The following ERAP2 variants were observed in gnomAD, a reference collection of about 807,000 sequenced individuals.
The protein encoded by ERAP2 is leukocyte-derived arginine aminopeptidase.
Under a neutral mutation model 111.1 loss-of-function variants are expected in ERAP2, and 118 were observed. The observed-to-expected ratio is 1.06, with a 90% CI of 0.92 to 1.24. The LOEUF is 1.24. Among genes scored for constraint, ERAP2 ranks in the 50% most tolerant of loss-of-function variants. The pLI is 0.00. For synonymous variants in ERAP2, 410 were observed against 401.2 expected, an observed-to-expected ratio of 1.02 and a Z score of -0.26; for missense variants, 1,131 against 1,125.8, an observed-to-expected ratio of 1.00 and a Z score of -0.07.
At chr5:96,900,813 A>G (rs1377807063) in intron 10 of ERAP2, among the ~76,000 whole-genome samples, 2 of 152,134 alleles carry the variant, frequency 1.3e-5, no homozygotes, top group African/African-American at 4.8e-5. Context: ...AGTAGCTGGG[A>G]TTACAGGCAC....
intron 13 of ERAP2, among the ~76,000 whole-genome samples, chr5:96,903,779 T>C (rs1235917337): frequency 1.3e-5 from 2 of 152,204 alleles, no homozygotes; most frequent in African/African-American, 2.4e-5. Flanking sequence ...TGGAGAACTT[T>C]ACCTAAAAAT....
chr5:96,887,098 TATAC>T (rs769729943), intron 4 of ERAP2, among the ~76,000 whole-genome samples: 1,147 of 99,594 alleles, frequency 0.012, 9 homozygotes, highest in African/African-American at 0.037. Context: ...TATATATATA[TATAC>T]ACACACACAC....
intron 3 of ERAP2, among the ~76,000 whole-genome samples, chr5:96,885,859 T>G (rs1783665261): frequency 6.6e-6 from 1 of 152,238 alleles, no homozygotes; most frequent in South Asian, 2.1e-4. Context: ...ATTCAGTCAT[T>G]ACCCAGTGAT....
At chr5:96,916,706 G>A (rs1787441153) in intron 18 of ERAP2, among the ~76,000 whole-genome samples, 1 of 150,866 alleles carries the variant, frequency 6.6e-6, no homozygotes, top group African/African-American at 2.4e-5. Flanking sequence ...CTGACCTCGT[G>A]ATCCACCCAC....
intron 9 of ERAP2, among the ~76,000 whole-genome samples, chr5:96,898,155 C>G (rs1785053183): frequency 1.3e-5 from 2 of 152,074 alleles, no homozygotes; most frequent in Non-Finnish European, 2.9e-5. Flanking sequence ...GAGATTGCAC[C>G]ACTGCACTCC....
At chr5:96,903,307 T>C in intron 12 of ERAP2, 70 bp from the exon 13 acceptor site, 1 of 1,201,528 alleles carries the variant, frequency 8.3e-7, no homozygotes. Context: ...TGATTAAAAA[T>C]AACAGTTCTG....
intron 5 of ERAP2, among the ~76,000 whole-genome samples, chr5:96,891,822 G>A (rs1052382397): frequency 2.6e-5 from 4 of 152,014 alleles, no homozygotes; most frequent in African/African-American, 9.7e-5. Context: ...TATAGAGATG[G>A]CTCCTAAGAG....
chr5:96,877,467 C>A (rs1230361), intron 1 of ERAP2, among the ~76,000 whole-genome samples: 79,574 of 152,104 alleles, frequency 0.52, 21,000 homozygotes, highest in South Asian at 0.61. Context: ...GTTATAACCT[C>A]AATAATAATT....
chr5:96,908,967 G>T lies in ERAP2; in HGVS notation c.2019G>T (p.Gly673=). The change falls in exon 14 of 19, where the codon GGG becomes GGT. Residue 673 remains glycine, a synonymous_variant. Transcript: ENST00000437043. The part of the protein sequence containing the change: ...IHDVFQLVGA[G]RLTLDKALDM... The stretch of plus-strand genomic sequence containing the variant: ...CATTTGTTTTATACTTCAGTGCAGG[G>T]AGACTGACCCTAGACAAAGCTCTTG... 6.2e-7 allele frequency: 1 copy of T among 1,613,884 alleles called. No homozygotes were observed. Among genetic ancestry groups the T allele is most frequent in the Non-Finnish European group, 8.5e-7 (1 of 1,179,910 alleles).
At chr5:96,908,898 A>C in intron 13 of ERAP2, 63 bp from the exon 14 acceptor site, 5 of 1,476,172 alleles carry the variant, frequency 3.4e-6, no homozygotes, top group Non-Finnish European at 4.6e-6. Context: ...ATTTGTTTTA[A>C]TGTTAAAAAT....
intron 9 of ERAP2, 73 bp downstream of exon 9, chr5:96,896,936 A>T (rs1489620170): frequency 5.5e-6 from 8 of 1,441,628 alleles, no homozygotes; most frequent in Non-Finnish European, 7.4e-6. Context: ...GAATGTTTAT[A>T]AATAGCTATA....
At chr5:96,900,012 A>G in intron 9 of ERAP2, 109 bp from the exon 10 acceptor site, 1 of 1,280,994 alleles carries the variant, frequency 7.8e-7, no homozygotes, top group Non-Finnish European at 1.1e-6. Context: ...TGTCTGGATG[A>G]ATTATTTCAT....
chr5:96,909,956 A>G (rs1209781768), intron 15 of ERAP2, 192 bp downstream of exon 15: 1 of 541,480 alleles, frequency 1.8e-6, no homozygotes, highest in African/African-American at 1.9e-5. Context: ...CTACCATGAA[A>G]TGTAATGGTG....
chr5:96,902,007 T>C (rs41276275), intron 11 of ERAP2, among the ~76,000 whole-genome samples: 6,167 of 152,316 alleles, frequency 0.04, 212 homozygotes, highest in Middle Eastern at 0.12. Context: ...ATTGTTATGG[T>C]ATGAGATTAG....
chr5:96,886,511 A>C, intron 3 of ERAP2, 144 bp from the exon 4 acceptor site: 1 of 495,550 alleles, frequency 2.0e-6, no homozygotes, highest in Non-Finnish European at 3.3e-6. Flanking sequence ...ACAGAATACT[A>C]GGAGAGGCCA....
chr5:96,894,964 C>T (rs1383262317), intron 6 of ERAP2, among the ~76,000 whole-genome samples: 4 of 151,724 alleles, frequency 2.6e-5, no homozygotes, highest in Non-Finnish European at 5.9e-5. Flanking sequence ...AATATTAAAT[C>T]TAATAACTAG....
chr5:96,876,615 T>C (rs1436328188), intron 1 of ERAP2, 88 bp downstream of exon 1: 1 of 152,352 alleles, frequency 6.6e-6, no homozygotes, highest in Non-Finnish European at 1.5e-5. Flanking sequence ...ACTGCTGTGT[T>C]GAGAAGGTTT....
Position 96,901,511 on chromosome 5 carries a change from C to T in ERAP2, c.1578C>T (p.Ala526=). ...SDPKMTSNML[A]FLGENAEVKE... is the part of the protein sequence containing the mutation. ...ATAGTCACCTGTCATTTCAGCTCGC[C>T]TTTCTGGGGGAAAATGCAGAGGTCA... The change falls in exon 11 of 19, where the codon GCC becomes GCT. Residue 526 remains alanine, a synonymous_variant. Coordinates refer to ENST00000437043, the MANE Select transcript of ERAP2 (RefSeq NM_022350.5). The T allele has an allele frequency of 1.2e-6, 2 of 1,613,046 alleles. No individual in the cohort carries two copies. The highest frequency in any genetic ancestry group is 1.7e-4 in the Middle Eastern group (1 of 6,048).
intron 13 of ERAP2, among the ~76,000 whole-genome samples, chr5:96,904,934 C>T (rs147977186): frequency 4.6e-4 from 70 of 152,276 alleles, no homozygotes; most frequent in African/African-American, 1.7e-3. Context: ...AAGAAGATTT[C>T]AGGTATTACC....
Sources: allele counts gnomAD v4.1 joint callset (sites outside exome capture counted in the v4.1 genomes callset), GRCh38; gene constraint gnomAD v4.1.1; transcripts MANE v1.5; gene names NCBI Gene and HGNC (gene_info 2026-07-23, HGNC 2026-07-21).